Variants in COX7A1 observed in about 807,000 individuals in gnomAD.
COX7A1 encodes cytochrome c oxidase subunit 7A1, mitochondrial.
A neutral mutation model predicts 13.2 loss-of-function variants in COX7A1; 21 were observed. That is an observed-to-expected ratio of 1.59 (90% CI 1.13 to 2.29). The LOEUF is 2.29. COX7A1 is among the 30% of genes most tolerant of loss of function. The pLI, the probability that COX7A1 is intolerant of heterozygous loss-of-function variation, is 0.00. For missense variants in COX7A1, 107 were observed against 100.0 expected (o/e 1.07, Z -0.30); for synonymous variants, 41 against 41.9 (o/e 0.98, Z 0.08).
At chr19:36,151,129 TGGACCCCAGCTCTAGTTC>T (rs1974760644) in intron 3 of COX7A1, 95 bp from the exon 4 acceptor site, 1 of 1,298,050 alleles carries the variant, frequency 7.7e-7, no homozygotes, top group African/African-American at 1.5e-5. Flanking sequence ...GTTCCCAGCC[TGGACCCCAGCTCTAGTTC>T]GGACTCCAGC....
chr19:36,152,331 G>A, intron 1 of COX7A1, 62 bp downstream of exon 1: 1 of 1,250,420 alleles, frequency 8.0e-7, no homozygotes, highest in Non-Finnish European at 1.0e-6. Context: ...CACTTGGAGA[G>A]TCGCGTATTA....
Position 36,151,665 on chromosome 19 carries a change from C to CCCCCCCCCCCCG in COX7A1, c.102+3_102+4insCGGGGGGGGGGG. On this transcript the variant is annotated splice_donor_region_variant and intron_variant, in intron 2 of 3. Transcript: ENST00000292907. ...TCGGATCCCCACCCCCCCCGACCCC[C>CCCCCCCCCCCCG]CACCTGGAAGAGCTTCTGTTTCTCG... is the stretch of plus-strand genomic sequence containing the variant. The CCCCCCCCCCCCG allele has an allele frequency of 6.3e-7, 1 of 1,583,868 alleles. No homozygotes were observed. The highest frequency in any genetic ancestry group is 1.3e-5 in the African/African-American group (1 of 74,252).
chr19:36,152,098 C>T (rs764840070), intron 1 of COX7A1: 20 of 592,638 alleles, frequency 3.4e-5, no homozygotes, highest in Middle Eastern at 3.4e-4. Flanking sequence ...ACGTGGGGAC[C>T]GGAATGGAGG....
At position 36,151,766 on chromosome 19, in the gene COX7A1, G is replaced by A. The variant is rs750444414; in HGVS notation, c.16-11C>T. On this transcript the variant is annotated splice_polypyrimidine_tract_variant and intron_variant, in intron 1 of 3. Coordinates refer to ENST00000292907, the MANE Select transcript of COX7A1 (RefSeq NM_001864.4). ...CAGCGCCTGGGACACCTGCGGGGTG[G>A]GAGGTGGGCGGGTATTGGAGGCACC... The A allele has an allele frequency of 1.4e-5, 22 of 1,588,518 alleles. No individual in the cohort carries two copies. In the East Asian group the frequency reaches 5.0e-4, roughly 36 times the overall value.
At chr19:36,151,215 T>C (rs552987811) in intron 3 of COX7A1, among the ~76,000 whole-genome samples, 181 bp from the exon 4 acceptor site, 1 of 152,250 alleles carries the variant, frequency 6.6e-6, no homozygotes, top group East Asian at 1.9e-4. Flanking sequence ...TAGACCGGGC[T>C]GGGAGCTTTC....
intron 1 of COX7A1, chr19:36,152,088 A>C: frequency 1.7e-6 from 1 of 589,200 alleles, no homozygotes; most frequent in East Asian, 3.0e-5. Context: ...GGTCCCGGGA[A>C]CGTGGGGACC....
chr19:36,150,961 G>A lies in COX7A1; in HGVS notation c.*21C>T. 1 of 1,612,814 alleles carries A rather than the reference G, an allele frequency of 6.2e-7. No homozygotes were observed. Among genetic ancestry groups the A allele is most frequent in the Admixed American group, 1.7e-5 (1 of 60,014 alleles). On this transcript the variant is annotated 3_prime_UTR_variant, in exon 4 of 4. Coordinates refer to ENST00000292907, the MANE Select transcript of COX7A1 (RefSeq NM_001864.4). ...TATTGACACTTGTTCAAGTCTCTCA[G>A]GCCCCCCAGGCTTCTTGGTCTTAAT...
rs113058915 is a variant in COX7A1, at chr19:36,152,425, C to T, written c.-18G>A. On this transcript the variant is annotated 5_prime_UTR_variant, in exon 1 of 4. Coordinates refer to ENST00000292907, the MANE Select transcript of COX7A1 (RefSeq NM_001864.4). ...GCCTGCATTCTGCCTTGTCCTCTTCCGCCGGAGTCACCTCCCTTCTCCGCC... is the reference window on the plus strand; with the variant it reads ...GCCTGCATTCTGCCTTGTCCTCTTCTGCCGGAGTCACCTCCCTTCTCCGCC... 7.3e-5 allele frequency: 99 copies of T among 1,350,184 alleles called. No individual in the cohort carries two copies. Among genetic ancestry groups the T allele is most frequent in the Non-Finnish European group, 8.9e-5 (92 of 1,038,368 alleles). The allele number at this position is 1,350,184 out of a possible 1,614,324, so 83.6% of individuals were successfully genotyped here.
In COX7A1 at chr19:36,150,962, G is replaced by GC. The variant is rs1218662234; in HGVS notation, c.*19dup. The GC allele has an allele frequency of 1.1e-5, 17 of 1,612,492 alleles. No individual in the cohort carries two copies. Among genetic ancestry groups the GC allele is most frequent in the African/African-American group, 5.3e-5 (4 of 74,974 alleles). ...ATTGACACTTGTTCAAGTCTCTCAGGCCCCCCAGGCTTCTTGGTCTTAATT... is the reference window on the plus strand; with the variant it reads ...ATTGACACTTGTTCAAGTCTCTCAGGCCCCCCCAGGCTTCTTGGTCTTAATT... On this transcript the variant is annotated 3_prime_UTR_variant, in exon 4 of 4. Transcript: ENST00000292907.
At position 36,151,660 on chromosome 19, in the gene COX7A1, A is replaced by ACCCCCCCCCCC; in HGVS notation, c.102+8_102+9insGGGGGGGGGGG. On this transcript the variant is annotated intron_variant, in intron 2 of 3. Transcript: ENST00000292907. ...GCGCGTCGGATCCCCACCCCCCCCG[A>ACCCCCCCCCCC]CCCCCCACCTGGAAGAGCTTCTGTT... 9.0e-7 allele frequency: 1 copy of ACCCCCCCCCCC among 1,114,594 alleles called. No individual in the cohort carries two copies. Among genetic ancestry groups the ACCCCCCCCCCC allele is most frequent in the Admixed American group, 2.1e-5 (1 of 46,698 alleles). The allele number at this position is 1,114,594 out of a possible 1,614,324, so 69.0% of individuals were successfully genotyped here.
In COX7A1 at chr19:36,151,750, G is replaced by T. The variant is rs1204212642; in HGVS notation, c.21C>A (p.Ser7=). The change falls in exon 2 of 4, where the codon TCC becomes TCA. Residue 7 remains serine (S), a synonymous_variant. Transcript: ENST00000292907. The part of the protein sequence containing the change: MQALRV[S]QALIRSFSST... ...AGCTGAAGGAGCGGATCAGCGCCTG[G>T]GACACCTGCGGGGTGGGAGGTGGGC... The T allele has an allele frequency of 6.3e-7, 1 of 1,599,938 alleles. No individual in the cohort carries two copies. Among genetic ancestry groups the T allele is most frequent in the Non-Finnish European group, 8.5e-7 (1 of 1,173,798 alleles).
At position 36,151,958 on chromosome 19, in the gene COX7A1, G is replaced by C. The variant is rs902001623; in HGVS notation, c.16-203C>G. On this transcript the variant is annotated intron_variant, in intron 1 of 3. Coordinates refer to ENST00000292907, the MANE Select transcript of COX7A1 (RefSeq NM_001864.4). ...ACTCGCCCTGGAGTCTGGCCTGGGG[G>C]TGACCGGGCTGCCTAGAGGGTCCTG... is the stretch of plus-strand genomic sequence containing the variant. 4 of 702,802 alleles carry C rather than the reference G, an allele frequency of 5.7e-6. No individual in the cohort carries two copies. In the African/African-American group the frequency reaches 7.0e-5, roughly 12 times the overall value. The allele number at this position is 702,802 out of a possible 1,614,324, so 43.5% of individuals were successfully genotyped here. A position where few individuals can be genotyped will look rare whatever the true frequency, so the allele number is the denominator to read the frequency against.
At chr19:36,151,583 G>C (rs1247628339) in intron 2 of COX7A1, 37 bp from the exon 3 acceptor site, 1 of 1,612,876 alleles carries the variant, frequency 6.2e-7, no homozygotes, top group East Asian at 2.2e-5. Flanking sequence ...AGGGGTGCTG[G>C]CTGCTCCTTA....
intron 1 of COX7A1, chr19:36,152,100 G>GA: frequency 1.7e-6 from 1 of 595,352 alleles, no homozygotes; most frequent in Non-Finnish European, 3.0e-6. Flanking sequence ...GTGGGGACCG[G>GA]AATGGAGGTC....
chr19:36,151,645 T>TGCCCCCCCCCCCCC, intron 2 of COX7A1, 24 bp downstream of exon 2: 101 of 1,387,316 alleles, frequency 7.3e-5, no homozygotes, highest in Non-Finnish European at 9.4e-5. Flanking sequence ...GCGCGTCGGA[T>TGCCCCCCCCCCCCC]CCCCACCCCC....
At position 36,151,668 on chromosome 19, in the gene COX7A1, C is replaced by CCCCCCCG; in HGVS notation, c.102_102+1insCGGGGGG (p.Glu35ArgfsTer6). ...GATCCCCACCCCCCCCGACCCCCCA[C>CCCCCCCG]CTGGAAGAGCTTCTGTTTCTCGCGC... On this transcript the variant is annotated frameshift_variant and splice_region_variant. Transcript: ENST00000292907. LOFTEE classifies it high-confidence loss of function. The CCCCCCCG allele has an allele frequency of 1.9e-6, 3 of 1,582,610 alleles. No homozygotes were observed. Among genetic ancestry groups the CCCCCCCG allele is most frequent in the Non-Finnish European group, 2.6e-6 (3 of 1,165,634 alleles).
chr19:36,151,142 T>G, intron 3 of COX7A1, 108 bp from the exon 4 acceptor site: 5 of 1,134,398 alleles, frequency 4.4e-6, no homozygotes, highest in Non-Finnish European at 6.4e-6. Context: ...ACCCCAGCTC[T>G]AGTTCGGACT....
intron 1 of COX7A1, chr19:36,152,171 G>C: frequency 1.9e-6 from 1 of 531,968 alleles, no homozygotes; most frequent in Non-Finnish European, 3.3e-6. Flanking sequence ...GGGTTCCCGA[G>C]ATGTCAAGTT....
intron 1 of COX7A1, chr19:36,152,110 C>G: frequency 1.7e-6 from 1 of 586,220 alleles, no homozygotes; most frequent in Non-Finnish European, 3.1e-6. Context: ...GAATGGAGGT[C>G]CCCGGGAGCG....
Sources: gnomAD v4.1 joint callset for allele counts (sites outside exome capture counted in the v4.1 genomes callset) on GRCh38, gnomAD v4.1.1 for gene constraint, MANE v1.5 for transcripts, NCBI Gene and HGNC (gene_info 2026-07-23, HGNC 2026-07-21) for gene names.